The following PRDM6 variants were observed in gnomAD, a reference collection of about 807,000 sequenced individuals.
PRDM6 encodes the protein putative histone-lysine N-methyltransferase PRDM6.
In PRDM6, 25 loss-of-function variants were observed where a neutral mutation model predicts 60.8. That is an observed-to-expected ratio of 0.41 (90% CI 0.30 to 0.57). PRDM6 has a LOEUF of 0.57. Ranked by LOEUF, PRDM6 falls within the 20% of genes least tolerant of loss-of-function variation. The pLI is 0.27. For missense variants in PRDM6, 839 were observed against 821.3 expected, an observed-to-expected ratio of 1.02 and a Z score of -0.26; for synonymous variants, 407 against 357.4, an observed-to-expected ratio of 1.14 and a Z score of -1.57.
intron 3 of PRDM6, among the ~76,000 whole-genome samples, chr5:123,144,915 T>C (rs182849): frequency 0.72 from 108,957 of 151,816 alleles, 39,232 homozygotes; most frequent in Non-Finnish European, 0.75. Flanking sequence ...TCTATATCCA[T>C]CTGACTGTCC....
At chr5:123,091,155 A>G (rs956025951) in intron 2 of PRDM6, among the ~76,000 whole-genome samples, 2 of 152,114 alleles carry the variant, frequency 1.3e-5, no homozygotes, top group Admixed American at 6.5e-5. Flanking sequence ...GCCAGGCCTC[A>G]CTGGAGTAGG....
At chr5:123,120,893 A>G (rs1485523225) in intron 3 of PRDM6, among the ~76,000 whole-genome samples, 1 of 152,198 alleles carries the variant, frequency 6.6e-6, no homozygotes, top group Admixed American at 6.5e-5. Context: ...GCTTCTGTAT[A>G]TTGGGAATTA....
chr5:123,149,503 C>T (rs1765327465), intron 3 of PRDM6, among the ~76,000 whole-genome samples: 1 of 152,132 alleles, frequency 6.6e-6, no homozygotes, highest in Non-Finnish European at 1.5e-5. Flanking sequence ...GGTTCTAAAG[C>T]CACAGCTAAT....
intron 7 of PRDM6, among the ~76,000 whole-genome samples, chr5:123,186,412 G>C (rs778367631): frequency 1.5e-4 from 23 of 152,200 alleles, no homozygotes; most frequent in Non-Finnish European, 2.8e-4. Context: ...AAATCTTGAA[G>C]TGTGACATTT....
intron 3 of PRDM6, among the ~76,000 whole-genome samples, chr5:123,106,437 C>T (rs1012064714): frequency 3.3e-5 from 5 of 152,030 alleles, no homozygotes; most frequent in Admixed American, 2.0e-4. Context: ...TAAAAAATGG[C>T]GCAGCATTAG....
chr5:123,132,516 C>T (rs1052099784), intron 3 of PRDM6, among the ~76,000 whole-genome samples: 1 of 152,004 alleles, frequency 6.6e-6, no homozygotes, highest in South Asian at 2.1e-4. Context: ...TTCACAAGAG[C>T]AGGTATATCA....
At chr5:123,164,128 C>T (rs1765696127) in intron 5 of PRDM6, among the ~76,000 whole-genome samples, 1 of 151,898 alleles carries the variant, frequency 6.6e-6, no homozygotes, top group African/African-American at 2.4e-5. Flanking sequence ...AAAAGCCAGG[C>T]CCTGTCCTGG....
intron 3 of PRDM6, among the ~76,000 whole-genome samples, chr5:123,124,455 A>G (rs555467990): frequency 2.1e-4 from 32 of 152,250 alleles, no homozygotes; most frequent in Non-Finnish European, 4.1e-4. Context: ...GGGCTAAGAC[A>G]AAAATATTAT....
At chr5:123,110,895 G>C (rs931172893) in intron 3 of PRDM6, among the ~76,000 whole-genome samples, 1 of 151,980 alleles carries the variant, frequency 6.6e-6, no homozygotes, top group Non-Finnish European at 1.5e-5. Flanking sequence ...CTAAGCAGGG[G>C]TGATACTCAA....
chr5:123,176,001 A>G (rs1016014972), intron 6 of PRDM6, among the ~76,000 whole-genome samples: 2 of 152,166 alleles, frequency 1.3e-5, no homozygotes, highest in African/African-American at 4.8e-5. Flanking sequence ...AAATCTACCC[A>G]GGTGTTTTCT....
chr5:123,151,859 C>G (rs527648063), intron 3 of PRDM6, among the ~76,000 whole-genome samples: 6 of 152,120 alleles, frequency 3.9e-5, no homozygotes, highest in Non-Finnish European at 5.9e-5. Context: ...GTGCTCTCAT[C>G]AACCCCTCAT....
intron 6 of PRDM6, among the ~76,000 whole-genome samples, chr5:123,178,075 C>T (rs1766057412): frequency 6.6e-6 from 1 of 152,082 alleles, no homozygotes; most frequent in Non-Finnish European, 1.5e-5. Context: ...CAACATAAGC[C>T]TCTCTGTGGT....
chr5:123,136,560 G>C (rs960097540), intron 3 of PRDM6, among the ~76,000 whole-genome samples: 1 of 152,080 alleles, frequency 6.6e-6, no homozygotes, highest in Non-Finnish European at 1.5e-5. Context: ...ATATATTTTA[G>C]CACATTTGAC....
At chr5:123,091,104 G>A (rs561963001) in intron 2 of PRDM6, among the ~76,000 whole-genome samples, 139 of 152,294 alleles carry the variant, frequency 9.1e-4, no homozygotes, top group African/African-American at 3.3e-3. Flanking sequence ...GTCATTTTCG[G>A]GCCGCGGGGT....
At chr5:123,155,418 G>A (rs539855847) in intron 3 of PRDM6, among the ~76,000 whole-genome samples, 64 of 151,582 alleles carry the variant, frequency 4.2e-4, no homozygotes, top group African/African-American at 1.5e-3. Flanking sequence ...CTCTCCAACT[G>A]CCTTCTGCTG....
chr5:123,090,427 G>A lies in PRDM6; in HGVS notation c.413G>A (p.Cys138Tyr), dbSNP rs1247152991. The A allele has an allele frequency of 6.2e-6, 9 of 1,454,032 alleles. No homozygotes were observed. In the East Asian group the frequency reaches 1.8e-4, roughly 29 times the overall value. The allele number at this position is 1,454,032 out of a possible 1,614,324, so 90.1% of individuals were successfully genotyped here. ...GAGCCGCTGCCCCCCAAGGAACTGT[G>A]CCTCGGCGCCACCTCCGGCCCCGGG... is the stretch of plus-strand genomic sequence containing the variant. ...AAEPLPPKEL[C>Y]LGATSGPGPV... Residue 138 changes from cysteine to tyrosine, a missense_variant, in exon 2 of 8, where the codon TGC (cysteine) becomes TAC (tyrosine). By Grantham distance (194) the Cys-to-Tyr change is radical (BLOSUM62 -2). This residue lies in a region of PRDM6 where 730 missense variants were observed against 648.8 expected (regional missense o/e 1.13). Transcript: ENST00000407847.
At chr5:123,183,786 C>T (rs935532676) in intron 7 of PRDM6, among the ~76,000 whole-genome samples, 2 of 152,104 alleles carry the variant, frequency 1.3e-5, no homozygotes, top group African/African-American at 4.8e-5. Flanking sequence ...AAAAATTATT[C>T]TATGCAGCAA....
chr5:123,153,635 C>T (rs1165609954), intron 3 of PRDM6, among the ~76,000 whole-genome samples: 2 of 152,152 alleles, frequency 1.3e-5, no homozygotes, highest in African/African-American at 4.8e-5. Context: ...TTCCTCAAGG[C>T]AAGTAGCAGT....
At chr5:123,113,305 C>A (rs1764359365) in intron 3 of PRDM6, among the ~76,000 whole-genome samples, 1 of 152,156 alleles carries the variant, frequency 6.6e-6, no homozygotes, top group African/African-American at 2.4e-5. Flanking sequence ...TTTATATTCC[C>A]AGCAGCCAAG....
Sources: gnomAD v4.1 joint callset for allele counts (sites outside exome capture counted in the v4.1 genomes callset) on GRCh38, gnomAD v4.1.1 for gene constraint, gnomAD v4.1.1 regional missense constraint, MANE v1.5 for transcripts, NCBI Gene and HGNC (gene_info 2026-07-23, HGNC 2026-07-21) for gene names.